The following PLPP4 variants were observed in gnomAD, a reference collection of about 807,000 sequenced individuals.
PLPP4 encodes phospholipid phosphatase 4, also known as diacylglycerol pyrophosphate like 2.
PLPP4 carries 20 observed loss-of-function variants against 32.2 expected under a neutral mutation model. The observed-to-expected ratio is 0.62, with a 90% CI of 0.44 to 0.90. The LOEUF (loss-of-function observed/expected upper bound fraction) is 0.90, where lower values mean the gene tolerates loss of function less well. Ranked by LOEUF, PLPP4 falls within the 40% of genes least tolerant of loss-of-function variation. The pLI, the probability that PLPP4 is intolerant of heterozygous loss-of-function variation, is 0.00. For missense variants in PLPP4, 257 were observed against 353.1 expected (o/e 0.73, Z 2.18); for synonymous variants, 127 against 133.0 (o/e 0.95, Z 0.31).
At chr10:120,485,731 GAA>G (rs1207326193) in intron 1 of PLPP4, among the ~76,000 whole-genome samples, 33 of 152,306 alleles carry the variant, frequency 2.2e-4, no homozygotes, top group Non-Finnish European at 1.3e-4. Context: ...TGAAATAAAA[GAA>G]AAGAACAAGA....
chr10:120,531,963 C>A lies in PLPP4; in HGVS notation c.445+10868C>A, dbSNP rs145964609. On this transcript the variant is annotated intron_variant, in intron 5 of 6. Coordinates refer to ENST00000398250, the MANE Select transcript of PLPP4 (RefSeq NM_001030059.3). ...TTCTGGGATACATGTGCAGAACATG[C>A]AGTTTTGTTACATAGGTATACATGT... 5.2e-3 allele frequency among the ~76,000 whole-genome samples: 797 copies of A among 151,950 alleles called. 12 individuals are homozygous for A. The highest frequency in any genetic ancestry group is 0.018 in the African/African-American group (744 of 41,406).
At position 120,499,949 on chromosome 10, in the gene PLPP4, A is replaced by G. The variant is rs374186586; in HGVS notation, c.57-3869A>G. ...TGTCTCCAGGACTTTCCATTCCACT[A>G]TGTGCCCACCTCTGTCCCTGTTAAG... is the stretch of plus-strand genomic sequence containing the variant. On this transcript the variant is annotated intron_variant, in intron 1 of 6. Transcript: ENST00000398250. Among the ~76,000 whole-genome samples the G allele has an allele frequency of 2.6e-5, 4 of 152,140 alleles. No individual in the cohort carries two copies. In the South Asian group the frequency reaches 8.3e-4, roughly 32 times the overall value.
chr10:120,458,771 GTACGT>G (rs1257346432), intron 1 of PLPP4, among the ~76,000 whole-genome samples: 2 of 152,230 alleles, frequency 1.3e-5, no homozygotes. Flanking sequence ...CCTTTGGAAT[GTACGT>G]TAAAACTAAT....
chr10:120,537,922 T>A (rs907937035), intron 5 of PLPP4, among the ~76,000 whole-genome samples: 6 of 150,576 alleles, frequency 4.0e-5, no homozygotes, highest in African/African-American at 1.5e-4. Context: ...AATCCTGAGC[T>A]GGGTGTCCAT....
In PLPP4 at chr10:120,476,306, T is replaced by TG. The variant is rs533632751; in HGVS notation, c.56+18945_56+18946insG. On this transcript the variant is annotated intron_variant, in intron 1 of 6. Transcript: ENST00000398250. ...TATAACAACTGCTTCTTCTCTTTTT[T>TG]TTGTTGTTGTTGTTGAGTGCTTACT... Among the ~76,000 whole-genome samples, 746 of 152,352 alleles carry TG rather than the reference T, an allele frequency of 4.9e-3. 3 individuals are homozygous for TG. The highest frequency in any genetic ancestry group is 8.1e-3 in the Non-Finnish European group (552 of 68,024).
chr10:120,458,748 A>C (rs1847905110), intron 1 of PLPP4, among the ~76,000 whole-genome samples: 1 of 151,828 alleles, frequency 6.6e-6, no homozygotes, highest in African/African-American at 2.4e-5. Context: ...CCCTTCTCCT[A>C]CTCTATTTTC....
intron 5 of PLPP4, among the ~76,000 whole-genome samples, chr10:120,529,021 T>C (rs1175868791): frequency 6.6e-6 from 1 of 152,086 alleles, no homozygotes; most frequent in Non-Finnish European, 1.5e-5. Context: ...AACTGTCATT[T>C]CTAAGATTTT....
In PLPP4 at chr10:120,513,990, A is replaced by G; in HGVS notation, c.245A>G (p.Glu82Gly). ...CGAACAGACAAGACTGAAATTAAGG[A>G]AGCCTTCTTAGGTAGAGTATTCACA... ...IRRTDKTEIK[E>G]AFLAVSLALA... The change falls in exon 3 of 7, where the codon GAA becomes GGA. Residue 82 changes from glutamate to glycine, a missense_variant. By Grantham distance (98) the Glu-to-Gly change is moderately conservative (BLOSUM62 -2). Transcript: ENST00000398250. 1.2e-6 allele frequency: 2 copies of G among 1,612,028 alleles called. No individual in the cohort carries two copies. Among genetic ancestry groups the G allele is most frequent in the Non-Finnish European group, 1.7e-6 (2 of 1,178,074 alleles).
chr10:120,530,810 A>G (rs1381831262), intron 5 of PLPP4, among the ~76,000 whole-genome samples: 1 of 152,176 alleles, frequency 6.6e-6, no homozygotes, highest in Non-Finnish European at 1.5e-5. Context: ...GTCCTCACCG[A>G]CATTTGGTGT....
chr10:120,549,189 GGAAA>G (rs988468200), intron 5 of PLPP4, among the ~76,000 whole-genome samples: 2 of 150,622 alleles, frequency 1.3e-5, no homozygotes, highest in African/African-American at 4.9e-5. Context: ...AGCAATATCA[GGAAA>G]GAAAGAAAAG....
chr10:120,589,436 G>A lies in PLPP4; in HGVS notation c.750G>A (p.Glu250=), dbSNP rs775527490. ...GAGTCCCAGCCTCACTGAAGAAAGAGGAGAGGCCCACAGCTGACAGCGCAC... is the reference window on the plus strand; with the variant it reads ...GAGTCCCAGCCTCACTGAAGAAAGAAGAGAGGCCCACAGCTGACAGCGCAC... The part of the protein sequence containing the change: ...SLRVPASLKK[E]ERPTADSAPS... The change falls in exon 7 of 7, where the codon GAG becomes GAA. Residue 250 remains glutamate (E), a synonymous_variant. Transcript: ENST00000398250. The A allele has an allele frequency of 2.2e-5, 36 of 1,614,082 alleles. 1 individual carries two copies. In the East Asian group the frequency reaches 8.0e-4, roughly 36 times the overall value.
chr10:120,483,445 G>A (rs1844304873), intron 1 of PLPP4, among the ~76,000 whole-genome samples: 1 of 152,194 alleles, frequency 6.6e-6, no homozygotes, highest in Non-Finnish European at 1.5e-5. Context: ...TGAGGACTGA[G>A]TGAATTAATG....
At chr10:120,463,992 A>C (rs1178688103) in intron 1 of PLPP4, among the ~76,000 whole-genome samples, 1 of 152,036 alleles carries the variant, frequency 6.6e-6, no homozygotes, top group Non-Finnish European at 1.5e-5. Flanking sequence ...TATTTTTTGA[A>C]GAGATGGGGT....
chr10:120,581,327 A>G (rs1849499578), intron 6 of PLPP4: 3 of 983,078 alleles, frequency 3.1e-6, no homozygotes, highest in Non-Finnish European at 3.6e-6. Context: ...TTTCCTTCCC[A>G]CTCTGGTCTA....
intron 1 of PLPP4, among the ~76,000 whole-genome samples, chr10:120,458,493 T>C (rs577096074): frequency 2.3e-4 from 35 of 152,302 alleles, no homozygotes; most frequent in Non-Finnish European, 4.7e-4. Context: ...CAAAGATGAC[T>C]TCTGTTCTGG....
intron 4 of PLPP4, among the ~76,000 whole-genome samples, chr10:120,519,928 A>C (rs1027713423): frequency 6.6e-6 from 1 of 152,188 alleles, no homozygotes; most frequent in African/African-American, 2.4e-5. Flanking sequence ...ATGGGGTGAA[A>C]TGTGTCAGCA....
chr10:120,478,829 T>G (rs1028541162), intron 1 of PLPP4, among the ~76,000 whole-genome samples: 6 of 152,208 alleles, frequency 3.9e-5, no homozygotes, highest in Admixed American at 2.0e-4. Context: ...GGACACCCAG[T>G]TTTTAGTTGA....
chr10:120,509,321 A>T (rs1295837585), intron 2 of PLPP4, among the ~76,000 whole-genome samples: 2 of 152,196 alleles, frequency 1.3e-5, no homozygotes, highest in Non-Finnish European at 2.9e-5. Flanking sequence ...AGAATGGATA[A>T]GTGTCAGGAG....
intron 5 of PLPP4, among the ~76,000 whole-genome samples, chr10:120,527,485 C>T (rs1009784481): frequency 1.3e-5 from 2 of 152,198 alleles, no homozygotes; most frequent in East Asian, 3.8e-4. Context: ...TGATTGCAAA[C>T]GTTCCTCACT....
Sources: allele counts gnomAD v4.1 joint callset (sites outside exome capture counted in the v4.1 genomes callset), GRCh38; gene constraint gnomAD v4.1.1; transcripts MANE v1.5; gene names NCBI Gene and HGNC (gene_info 2026-07-23, HGNC 2026-07-21).